The following LY75 variants were observed in gnomAD, a reference collection of about 807,000 sequenced individuals.
LY75 encodes the protein lymphocyte antigen 75.
In LY75, 185 loss-of-function variants were observed where a neutral mutation model predicts 231.7. The observed-to-expected ratio is 0.80, with a 90% CI of 0.71 to 0.90. The LOEUF is 0.90. LY75 is among the 40% of genes least tolerant of loss of function. LY75 has a pLI of 0.00. For missense variants in LY75, 1,947 were observed against 2,050.2 expected, an observed-to-expected ratio of 0.95 and a Z score of 0.97; for synonymous variants, 668 against 689.0, an observed-to-expected ratio of 0.97 and a Z score of 0.48.
chr2:159,875,496 T>A lies in LY75; in HGVS notation c.1922A>T (p.Asp641Val). 6.2e-7 allele frequency: 1 copy of A among 1,613,962 alleles called. No individual in the cohort carries two copies. Among genetic ancestry groups the A allele is most frequent in the Non-Finnish European group, 8.5e-7 (1 of 1,179,960 alleles). Residue 641 changes from aspartate to valine, a missense_variant, in exon 12 of 35, where the codon GAC becomes GTC. Physicochemically the swap from Asp to Val is radical, Grantham distance 152. Coordinates refer to ENST00000263636, the MANE Select transcript of LY75 (RefSeq NM_002349.4). ...ACTCTGCCAGCCTTCAGGACAGGGG[T>A]CATCAGGCTTAGGGGATGCTTCTTC... Reference protein sequence around the residue: ...GPEEASPKPDDPCPEGWQSFP... With the variant: ...GPEEASPKPDVPCPEGWQSFP...
At chr2:159,903,165 G>A (rs1686128740) in intron 1 of LY75, 1 of 152,232 alleles carries the variant, frequency 6.6e-6, no homozygotes, top group African/African-American at 2.4e-5. Flanking sequence ...ACCTAGCACA[G>A]GGGGAACAGA....
chr2:159,885,345 A>C (rs770810957), intron 5 of LY75, 52 bp from the exon 6 acceptor site: 1 of 1,572,382 alleles, frequency 6.4e-7, no homozygotes, highest in Admixed American at 1.9e-5. Flanking sequence ...TAGGGCCAGG[A>C]TGGTGTCAGA....
At chr2:159,887,376 G>A (rs763836596) in intron 4 of LY75, among the ~76,000 whole-genome samples, 1 of 151,272 alleles carries the variant, frequency 6.6e-6, no homozygotes, top group Non-Finnish European at 1.5e-5. Flanking sequence ...TGGCCAACAC[G>A]GTGAAACCCT....
chr2:159,895,257 C>T (rs1292618807), intron 2 of LY75, among the ~76,000 whole-genome samples: 1 of 152,200 alleles, frequency 6.6e-6, no homozygotes, highest in Non-Finnish European at 1.5e-5. Context: ...TTAAAGATCA[C>T]TGGTTTTGTT....
intron 12 of LY75, among the ~76,000 whole-genome samples, chr2:159,874,659 T>TATATATAA (rs1685177488): frequency 4.2e-5 from 3 of 72,000 alleles, no homozygotes; most frequent in Non-Finnish European, 8.4e-5. Context: ...ATTTTGTAAA[T>TATATATAA]ATATATATAT....
chr2:159,897,822 G>A (rs1360912139), intron 2 of LY75, among the ~76,000 whole-genome samples: 2 of 152,062 alleles, frequency 1.3e-5, no homozygotes, highest in Admixed American at 1.3e-4. Context: ...ACATTTAATG[G>A]TTAAAAAAAT....
At chr2:159,859,278 T>G (rs1056424824) in intron 15 of LY75, among the ~76,000 whole-genome samples, 3 of 152,216 alleles carry the variant, frequency 2.0e-5, no homozygotes, top group African/African-American at 7.2e-5. Context: ...AGTTTATTAC[T>G]AGAAGAGTTA....
At chr2:159,825,860 C>T (rs1285992262) in intron 28 of LY75, among the ~76,000 whole-genome samples, 1 of 152,170 alleles carries the variant, frequency 6.6e-6, no homozygotes, top group Admixed American at 6.6e-5. Context: ...ACAAAAATTA[C>T]ATGATTATCT....
chr2:159,805,024 T>C lies in LY75; in HGVS notation c.*20A>G. 1 of 1,604,930 alleles carries C rather than the reference T, an allele frequency of 6.2e-7. No individual in the cohort carries two copies. The highest frequency in any genetic ancestry group is 8.5e-7 in the Non-Finnish European group (1 of 1,172,798). On this transcript the variant is annotated 3_prime_UTR_variant, in exon 35 of 35. Coordinates refer to ENST00000263636, the MANE Select transcript of LY75 (RefSeq NM_002349.4). ...TTTCTCATAACACATTAGTGCAAAT[T>C]AGAAAACTTTTAGAAGAATTTAGTC...
chr2:159,898,436 A>G (rs76840964), intron 2 of LY75, among the ~76,000 whole-genome samples: 11,816 of 152,190 alleles, frequency 0.078, 673 homozygotes, highest in Non-Finnish European at 0.12. Flanking sequence ...ATGAAATCCC[A>G]GGTTTATCAC....
chr2:159,878,806 A>T, intron 9 of LY75, 85 bp from the exon 10 acceptor site: 1 of 1,419,510 alleles, frequency 7.0e-7, no homozygotes, highest in South Asian at 1.2e-5. Flanking sequence ...TACATTGATA[A>T]CGTCTTAGAA....
At chr2:159,849,106 A>C (rs1684304353) in intron 23 of LY75, among the ~76,000 whole-genome samples, 2 of 152,174 alleles carry the variant, frequency 1.3e-5, no homozygotes. Flanking sequence ...ATAACCAAGT[A>C]ATAATTTGAT....
At position 159,807,217 on chromosome 2, in the gene LY75, A is replaced by G. The variant is rs113746668; in HGVS notation, c.4823-77T>C. On this transcript the variant is annotated intron_variant, in intron 33 of 34. Coordinates refer to ENST00000263636, the MANE Select transcript of LY75 (RefSeq NM_002349.4). Reference sequence around the variant, plus strand: ...TTACAAGCATGGGTTCATGTAACTCATCAGAACTGTGCTGTCCAATATGAG... The same window carrying G: ...TTACAAGCATGGGTTCATGTAACTCGTCAGAACTGTGCTGTCCAATATGAG... 4.6e-4 allele frequency: 696 copies of G among 1,497,550 alleles called. 3 individuals carry two copies. In the African/African-American group the frequency reaches 8.7e-3, roughly 19 times the overall value. The allele number at this position is 1,497,550 out of a possible 1,614,324, so 92.8% of individuals were successfully genotyped here. A position where few individuals can be genotyped will look rare whatever the true frequency, so the allele number is the denominator to read the frequency against.
At chr2:159,836,983 A>T (rs955274367) in intron 25 of LY75, among the ~76,000 whole-genome samples, 2 of 152,204 alleles carry the variant, frequency 1.3e-5, no homozygotes, top group African/African-American at 2.4e-5. Flanking sequence ...TAAATTCTTG[A>T]TCTTAATTGA....
In LY75 at chr2:159,806,797, G is replaced by A. The variant is rs190663814; in HGVS notation, c.4990+176C>T. Among the ~76,000 whole-genome samples, 85 of 152,214 alleles carry A rather than the reference G, an allele frequency of 5.6e-4. 1 individual carries two copies. Among genetic ancestry groups the A allele is most frequent in the Admixed American group, 5.2e-3 (80 of 15,294 alleles). ...GTCCTGGACATCTTGTGCAGTTATC[G>A]TCCCTTGTAATCTATTTTTCAGGGG... On this transcript the variant is annotated intron_variant, in intron 34 of 34. Coordinates refer to ENST00000263636, the MANE Select transcript of LY75 (RefSeq NM_002349.4).
intron 1 of LY75, 52 bp downstream of exon 1, chr2:159,904,537 C>A: frequency 6.7e-7 from 1 of 1,487,590 alleles, no homozygotes; most frequent in Non-Finnish European, 8.9e-7. Flanking sequence ...GGCAGCAGAG[C>A]TGTGGCGTCG....
At chr2:159,835,350 G>T in intron 26 of LY75, 130 bp downstream of exon 26, 3 of 936,424 alleles carry the variant, frequency 3.2e-6, no homozygotes, top group Non-Finnish European at 4.4e-6. Flanking sequence ...AACAAATGTT[G>T]CCATAAAAAG....
chr2:159,860,764 T>C, intron 15 of LY75, 57 bp downstream of exon 15: 1 of 1,594,854 alleles, frequency 6.3e-7, no homozygotes, highest in African/African-American at 1.3e-5. Context: ...GTTACTTGAC[T>C]GCATATGATG....
At position 159,872,438 on chromosome 2, in the gene LY75, C is replaced by A. The variant is rs988691293; in HGVS notation, c.2117+13G>T. On this transcript the variant is annotated intron_variant, in intron 13 of 34. Coordinates refer to ENST00000263636, the MANE Select transcript of LY75 (RefSeq NM_002349.4). ...CAAATTCAGCATAGAAATTCTCATT[C>A]TTAAAGTATTACCTGAACTGGTCCG... The A allele has an allele frequency of 1.2e-6, 2 of 1,610,920 alleles. No homozygotes were observed. The highest frequency in any genetic ancestry group is 2.7e-5 in the African/African-American group (2 of 74,656).
Sources: gnomAD v4.1 joint callset for allele counts (sites outside exome capture counted in the v4.1 genomes callset) on GRCh38, gnomAD v4.1.1 for gene constraint, MANE v1.5 for transcripts, NCBI Gene and HGNC (gene_info 2026-07-23, HGNC 2026-07-21) for gene names.